The following MAST4 variants were observed in gnomAD, a reference collection of about 807,000 sequenced individuals.
MAST4 encodes the protein microtubule-associated serine/threonine-protein kinase 4.
In MAST4, 89 loss-of-function variants were observed where a neutral mutation model predicts 162.7. The ratio of observed to expected loss-of-function variants is 0.55; its 90% confidence interval spans 0.46 to 0.65. The LOEUF (loss-of-function observed/expected upper bound fraction) is 0.65. Ranked by LOEUF, MAST4 falls within the 30% of genes least tolerant of loss-of-function variation. The pLI is 0.00. For synonymous variants in MAST4, 1,479 were observed against 1,361.1 expected, an observed-to-expected ratio of 1.09 and a Z score of -1.91; for missense variants, 3,153 against 3,374.0, an observed-to-expected ratio of 0.93 and a Z score of 1.62.
At chr5:66,779,138 A>G (rs534860399) in intron 2 of MAST4, among the ~76,000 whole-genome samples, 5 of 152,358 alleles carry the variant, frequency 3.3e-5, no homozygotes, top group African/African-American at 1.2e-4. Context: ...GAAATTGGGC[A>G]TCTCTGGTGG....
intron 4 of MAST4, among the ~76,000 whole-genome samples, chr5:66,937,102 C>T (rs886258407): frequency 2.0e-5 from 3 of 152,266 alleles, no homozygotes; most frequent in East Asian, 1.9e-4. Flanking sequence ...CAGAGAGGTA[C>T]TCATGTTATT....
At position 67,164,592 on chromosome 5, in the gene MAST4, C is replaced by T; in HGVS notation, c.5413C>T (p.Leu1805=). 6.2e-7 allele frequency: 1 copy of T among 1,613,998 alleles called. No individual in the cohort carries two copies. The highest frequency in any genetic ancestry group is 8.5e-7 in the Non-Finnish European group (1 of 1,179,890). ...ATGCCTGAAGCCGATCGAGGGCACT[C>T]TGGACATTGCTCTCCTGTCCGGACC... ...VSCLKPIEGT[L]DIALLSGPQA... Residue 1805 remains leucine, a synonymous_variant, in exon 29 of 29, where the codon CTG becomes TTG. Coordinates refer to ENST00000403625, the MANE Select transcript of MAST4 (RefSeq NM_001164664.2). The surrounding 1 kb of genome is among the most constrained non-coding windows in gnomAD (Gnocchi z 5.3).
intron 2 of MAST4, among the ~76,000 whole-genome samples, chr5:66,768,808 T>C (rs1044877922): frequency 1.3e-5 from 2 of 152,208 alleles, no homozygotes; most frequent in Non-Finnish European, 2.9e-5. Flanking sequence ...AGTTCTGTAT[T>C]ATTTCTTGTA....
intron 4 of MAST4, among the ~76,000 whole-genome samples, chr5:67,037,281 G>T (rs1756141688): frequency 6.6e-6 from 1 of 152,132 alleles, no homozygotes; most frequent in African/African-American, 2.4e-5. Context: ...AGAGGTGATT[G>T]TTGAGGGTTC....
intron 4 of MAST4, among the ~76,000 whole-genome samples, chr5:66,966,037 G>T (rs1434738933): frequency 1.3e-5 from 2 of 152,196 alleles, no homozygotes; most frequent in African/African-American, 4.8e-5. Context: ...TGGCCAACTG[G>T]TTTTATGTAC....
intron 2 of MAST4, 85 bp from the exon 3 acceptor site, chr5:66,788,585 A>G: frequency 3.7e-6 from 3 of 814,666 alleles, no homozygotes; most frequent in South Asian, 1.3e-5. Context: ...TTGGCCAGGA[A>G]GAGACACCCC....
At chr5:66,843,031 C>A (rs1157649172) in intron 3 of MAST4, among the ~76,000 whole-genome samples, 1 of 152,182 alleles carries the variant, frequency 6.6e-6, no homozygotes, top group Non-Finnish European at 1.5e-5. Flanking sequence ...CTCCGTGTGT[C>A]TGTATATATA....
intron 4 of MAST4, chr5:66,959,076 T>G (rs949903062): frequency 1.3e-5 from 8 of 617,988 alleles, no homozygotes; most frequent in Middle Eastern, 4.3e-4. Context: ...AGCTGACATC[T>G]CTTGATTACG....
At chr5:66,870,995 A>G (rs1186865175) in intron 3 of MAST4, 13 of 371,042 alleles carry the variant, frequency 3.5e-5, no homozygotes, top group Admixed American at 1.4e-4. Flanking sequence ...AGTCTTCTCT[A>G]TTAAATCAAG....
intron 4 of MAST4, among the ~76,000 whole-genome samples, chr5:67,049,996 T>C (rs999608910): frequency 4.6e-5 from 7 of 152,204 alleles, no homozygotes; most frequent in East Asian, 1.9e-4. Context: ...GCCTTTCTTA[T>C]GGAGCACAGA....
At chr5:66,779,950 A>G (rs896908860) in intron 2 of MAST4, among the ~76,000 whole-genome samples, 1 of 152,178 alleles carries the variant, frequency 6.6e-6, no homozygotes, top group Non-Finnish European at 1.5e-5. Flanking sequence ...AAGTGGTGTT[A>G]TAGTTAATGT....
At chr5:66,691,161 G>A (rs980062530) in intron 1 of MAST4, among the ~76,000 whole-genome samples, 1 of 151,990 alleles carries the variant, frequency 6.6e-6, no homozygotes, top group African/African-American at 2.4e-5. Flanking sequence ...AGACTAGATC[G>A]GTTTTCTTCT....
At chr5:66,725,557 G>A (rs992100233) in intron 1 of MAST4, among the ~76,000 whole-genome samples, 2 of 152,142 alleles carry the variant, frequency 1.3e-5, no homozygotes, top group Non-Finnish European at 2.9e-5. Flanking sequence ...TTTCAAAATA[G>A]TATTAACTTC....
intron 10 of MAST4, among the ~76,000 whole-genome samples, chr5:67,107,674 C>G (rs561454741): frequency 1.3e-5 from 2 of 152,322 alleles, no homozygotes; most frequent in Admixed American, 6.5e-5. Context: ...ATCTCCTAAC[C>G]ATTTTTCCCA....
intron 3 of MAST4, among the ~76,000 whole-genome samples, chr5:66,837,886 ATATATATATTTTTTTTT>A (rs1419625292): frequency 9.5e-5 from 5 of 52,840 alleles, no homozygotes; most frequent in African/African-American, 4.5e-4. Flanking sequence ...ATATATATAT[ATATATATATTTTTTTTT>A]TTTTTTTTTT....
intron 19 of MAST4, among the ~76,000 whole-genome samples, chr5:67,137,814 G>A (rs1386205164): frequency 6.6e-6 from 1 of 152,180 alleles, no homozygotes; most frequent in African/African-American, 2.4e-5. Context: ...CTGCTTTCAT[G>A]CTACAAGGGC....
chr5:66,634,336 G>C (rs1744969038), intron 1 of MAST4, among the ~76,000 whole-genome samples: 1 of 151,556 alleles, frequency 6.6e-6, no homozygotes, highest in Non-Finnish European at 1.5e-5. Flanking sequence ...TGGGATTGCA[G>C]GTGTGAGCCA....
chr5:66,918,224 G>GT (rs1402138913), intron 4 of MAST4, among the ~76,000 whole-genome samples: 1 of 152,082 alleles, frequency 6.6e-6, no homozygotes, highest in African/African-American at 2.4e-5. Flanking sequence ...TTCAATGAAT[G>GT]TAAGTTTTTA....
chr5:66,895,036 G>A (rs1474188849), intron 3 of MAST4, among the ~76,000 whole-genome samples: 1 of 152,132 alleles, frequency 6.6e-6, no homozygotes, highest in Non-Finnish European at 1.5e-5. Context: ...CTGCAGAGGT[G>A]TCCTAACTGG....
Sources: gnomAD v4.1 joint callset for allele counts (sites outside exome capture counted in the v4.1 genomes callset) on GRCh38, gnomAD v4.1.1 for gene constraint, Gnocchi (gnomAD v3.1) non-coding constraint, MANE v1.5 for transcripts, NCBI Gene and HGNC (gene_info 2026-07-23, HGNC 2026-07-21) for gene names.